Variants in SPAG1 observed in about 807,000 individuals in gnomAD.
The protein encoded by SPAG1 is sperm-associated antigen 1.
A neutral mutation model predicts 100.5 loss-of-function variants in SPAG1; 69 were observed. The ratio of observed to expected loss-of-function variants is 0.69; its 90% CI spans 0.57 to 0.84. The LOEUF (loss-of-function observed/expected upper bound fraction) is 0.84. Ranked by LOEUF, SPAG1 falls within the 40% of genes least tolerant of loss-of-function variation. The pLI is 0.00. For missense variants in SPAG1, 955 were observed against 1,133.1 expected (o/e 0.84, Z 2.26); for synonymous variants, 336 against 411.6 (o/e 0.82, Z 2.22).
At chr8:100,229,206 A>T (rs765913834) in intron 14 of SPAG1, among the ~76,000 whole-genome samples, 1 of 151,816 alleles carries the variant, frequency 6.6e-6, no homozygotes, top group Non-Finnish European at 1.5e-5. Flanking sequence ...GAGGATCACG[A>T]GGTCAGGAGA....
At position 100,183,375 on chromosome 8, in the gene SPAG1, G is replaced by A. The variant is rs1254116266; in HGVS notation, c.427G>A (p.Glu143Lys). Residue 143 changes from glutamate to lysine, a missense_variant and splice_region_variant, in exon 5 of 19, where the codon GAA (glutamate) becomes AAA (lysine). Coordinates refer to ENST00000388798, the MANE Select transcript of SPAG1 (RefSeq NM_003114.5). Reference sequence around the variant, plus strand: ...ATAAAATATGATTTTATTCTTTTAGGAAAAATATTCTAAAAGACCAACTAA... The same window carrying A: ...ATAAAATATGATTTTATTCTTTTAGAAAAAATATTCTAAAAGACCAACTAA... ...GSNSCLHVGKEKYSKRPTKKK... is the reference protein window; with the variant it reads ...GSNSCLHVGKKKYSKRPTKKK... 1 of 1,321,444 alleles carries A rather than the reference G, an allele frequency of 7.6e-7. No homozygotes were observed. The allele number at this position is 1,321,444 out of a possible 1,614,324, so 81.9% of individuals were successfully genotyped here.
At chr8:100,235,567 T>A (rs1240304370) in intron 16 of SPAG1, among the ~76,000 whole-genome samples, 1 of 152,042 alleles carries the variant, frequency 6.6e-6, no homozygotes, top group Non-Finnish European at 1.5e-5. Flanking sequence ...TTTGACTGAT[T>A]GAGTCTGAGA....
intron 2 of SPAG1, chr8:100,165,600 T>C: frequency 2.1e-6 from 1 of 476,664 alleles, no homozygotes; most frequent in South Asian, 3.1e-5. Flanking sequence ...GTGATGAAAA[T>C]TGGTTACTTT....
rs1340367773 is a variant in SPAG1 at position 100,188,213 on chromosome 8, GC to G, written c.832+964del. Among the ~76,000 whole-genome samples the G allele has an allele frequency of 1.3e-4, 19 of 151,900 alleles. No individual in the cohort carries two copies. The East Asian group carries it at 3.7e-3, about 29-fold the overall frequency. ...GTCACCCAGCCTGGTGTGCAGTGGT[GC>G]AATCTTGGCTTACTGCAACCTCCAC... On this transcript the variant is annotated intron_variant, in intron 8 of 18. Coordinates refer to ENST00000388798, the MANE Select transcript of SPAG1 (RefSeq NM_003114.5).
rs115460646 is a variant in SPAG1, at chr8:100,239,707, G to A, written c.2280+303G>A. 7.3e-3 allele frequency among the ~76,000 whole-genome samples: 1,113 copies of A among 152,306 alleles called. 19 individuals are homozygous for A. The highest frequency in any genetic ancestry group is 0.026 in the African/African-American group (1,075 of 41,578). On this transcript the variant is annotated intron_variant, in intron 17 of 18. Coordinates refer to ENST00000388798, the MANE Select transcript of SPAG1 (RefSeq NM_003114.5). This position sits in a 1 kb window ranked among gnomAD's most constrained non-coding sequence, Gnocchi z 5.0. ...CTGGGAACCAGCGGCCACTGACTTT[G>A]CTCCAGGGTAGACCTGGAGAATCCT...
At chr8:100,182,229 G>T (rs1262611450) in intron 4 of SPAG1, among the ~76,000 whole-genome samples, 1 of 152,160 alleles carries the variant, frequency 6.6e-6, no homozygotes, top group East Asian at 1.9e-4. Context: ...TATGGCTATT[G>T]TTTGCCTTTC....
chr8:100,177,148 G>T (rs1328426225), intron 3 of SPAG1, among the ~76,000 whole-genome samples: 1 of 151,878 alleles, frequency 6.6e-6, no homozygotes, highest in Non-Finnish European at 1.5e-5. Context: ...CTTTATATGG[G>T]TCCCATGGTG....
At position 100,216,105 on chromosome 8, in the gene SPAG1, C is replaced by T. The variant is rs2132367488; in HGVS notation, c.1535+2187C>T. ...TTAATACCATGAAATGAGCAAATGC[C>T]ACAAATCTGGGCTTCCCACCCCTCC... On this transcript the variant is annotated intron_variant, in intron 12 of 18. Coordinates refer to ENST00000388798, the MANE Select transcript of SPAG1 (RefSeq NM_003114.5). Among the ~76,000 whole-genome samples the T allele has an allele frequency of 1.3e-5, 2 of 152,220 alleles. 1 individual carries two copies. Among genetic ancestry groups the T allele is most frequent in the Admixed American group, 1.3e-4 (2 of 15,280 alleles).
chr8:100,237,052 A>G (rs1484676203), intron 16 of SPAG1, among the ~76,000 whole-genome samples: 1 of 152,050 alleles, frequency 6.6e-6, no homozygotes, highest in Non-Finnish European at 1.5e-5. Context: ...TGTCAAAGCT[A>G]CATTTTCTGG....
At chr8:100,162,498 T>A in intron 2 of SPAG1, 78 bp downstream of exon 2, 4 of 1,180,494 alleles carry the variant, frequency 3.4e-6, no homozygotes, top group Non-Finnish European at 4.7e-6. Flanking sequence ...AGGTAAAAGC[T>A]ACATTAGAAA....
intron 16 of SPAG1, among the ~76,000 whole-genome samples, chr8:100,238,344 A>G (rs1819102275): frequency 6.6e-6 from 1 of 152,202 alleles, no homozygotes; most frequent in African/African-American, 2.4e-5. Context: ...GGGGAAAGGC[A>G]TGTGGGATTA....
chr8:100,173,538 A>G (rs1202399908), intron 3 of SPAG1, among the ~76,000 whole-genome samples: 1 of 152,140 alleles, frequency 6.6e-6, no homozygotes, highest in African/African-American at 2.4e-5. Flanking sequence ...TCTAACAAAT[A>G]TTAGAACCCT....
chr8:100,208,744 A>G (rs1414271475), intron 10 of SPAG1, among the ~76,000 whole-genome samples: 1 of 152,200 alleles, frequency 6.6e-6, no homozygotes, highest in East Asian at 1.9e-4. Context: ...ATCAGCATTT[A>G]AGTATTAACT....
chr8:100,185,490 T>C (rs933550970), intron 7 of SPAG1, among the ~76,000 whole-genome samples: 1 of 152,196 alleles, frequency 6.6e-6, no homozygotes, highest in Non-Finnish European at 1.5e-5. Flanking sequence ...GATTTGATAA[T>C]AACTAGAATG....
chr8:100,220,493 C>A, intron 13 of SPAG1, 62 bp downstream of exon 13: 3 of 1,348,496 alleles, frequency 2.2e-6, no homozygotes, highest in South Asian at 1.4e-5. Flanking sequence ...CCCTTCCCCT[C>A]CTTCAAGAAC....
chr8:100,214,371 C>T (rs762753659), intron 12 of SPAG1, among the ~76,000 whole-genome samples: 2 of 152,212 alleles, frequency 1.3e-5, no homozygotes, highest in Admixed American at 6.5e-5. Context: ...TGCTTACTCT[C>T]GCCCACCTTG....
chr8:100,241,072 G>A lies in SPAG1; in HGVS notation c.*50G>A, dbSNP rs1055462818. ...CCATGCATGTATGTGTTCCAGGAAT[G>A]TTAATGAGATGGTATTGTAAAAGAG... On this transcript the variant is annotated 3_prime_UTR_variant, in exon 19 of 19. Coordinates refer to ENST00000388798, the MANE Select transcript of SPAG1 (RefSeq NM_003114.5). The surrounding 1 kb of genome is among the most constrained non-coding windows in gnomAD (Gnocchi z 5.1). 13 of 1,582,878 alleles carry A rather than the reference G, an allele frequency of 8.2e-6. No homozygotes were observed. In the Admixed American group the frequency reaches 1.1e-4, roughly 13 times the overall value.
chr8:100,173,313 T>G (rs1815964287), intron 3 of SPAG1, among the ~76,000 whole-genome samples: 1 of 152,130 alleles, frequency 6.6e-6, no homozygotes, highest in Admixed American at 6.6e-5. Context: ...TTTCATACTT[T>G]GTTTGCCACT....
rs1429800529 is a variant in SPAG1 at position 100,239,376 on chromosome 8, A to G, written c.2252A>G (p.Lys751Arg). Residue 751 changes from lysine (K) to arginine (R), a missense_variant, in exon 17 of 19, where the codon AAG (lysine) becomes AGG (arginine). Physicochemically the swap from Lys to Arg is conservative, Grantham distance 26. Transcript: ENST00000388798. This position sits in a 1 kb window ranked among gnomAD's most constrained non-coding sequence, Gnocchi z 5.0. ...KDKTAPFNKE[K>R]ERRKIEIQEV... Reference sequence around the variant, plus strand: ...AAGACAGCACCATTCAACAAAGAAAAGGAGAGAAGGAAAATTGAGATTCAA... The same window carrying G: ...AAGACAGCACCATTCAACAAAGAAAGGGAGAGAAGGAAAATTGAGATTCAA... The G allele has an allele frequency of 5.0e-6, 8 of 1,605,362 alleles. No individual in the cohort carries two copies. Among genetic ancestry groups the G allele is most frequent in the Non-Finnish European group, 8.5e-7 (1 of 1,172,340 alleles).
Sources: gnomAD v4.1 joint callset for allele counts (sites outside exome capture counted in the v4.1 genomes callset) on GRCh38, gnomAD v4.1.1 for gene constraint, Gnocchi (gnomAD v3.1) non-coding constraint, MANE v1.5 for transcripts, NCBI Gene and HGNC (gene_info 2026-07-23, HGNC 2026-07-21) for gene names.